ULK4: variants seen among roughly 807,000 people sequenced by gnomAD.
ULK4 encodes the protein unc-51 like kinase 4.
ULK4 carries 133 observed loss-of-function variants against 160.6 expected under a neutral mutation model. The observed-to-expected ratio is 0.83, with a 90% CI of 0.72 to 0.96. ULK4 has a LOEUF of 0.96. Among genes scored for constraint, ULK4 ranks in the 40% least tolerant of loss-of-function variants. The pLI, the probability that ULK4 is intolerant of heterozygous loss-of-function variation, is 0.00. For synonymous variants in ULK4, 534 were observed against 539.8 expected (o/e 0.99, Z 0.15); for missense variants, 1,580 against 1,499.5 (o/e 1.05, Z -0.89).
chr3:41,649,351 C>A (rs566933121), intron 30 of ULK4, among the ~76,000 whole-genome samples: 2 of 152,242 alleles, frequency 1.3e-5, no homozygotes, highest in Admixed American at 6.5e-5. Context: ...GAGCCCCACC[C>A]CCTACTGAGT....
intron 5 of ULK4, among the ~76,000 whole-genome samples, chr3:41,921,840 G>A (rs903177738): frequency 6.6e-6 from 1 of 152,150 alleles, no homozygotes; most frequent in African/African-American, 2.4e-5. Flanking sequence ...AGACAAAGAA[G>A]TAAGGAAGTC....
intron 35 of ULK4, chr3:41,258,583 T>C (rs1310953321): frequency 6.6e-6 from 1 of 152,236 alleles, no homozygotes; most frequent in Non-Finnish European, 1.5e-5. Flanking sequence ...TAATGTACTA[T>C]AGCAGAGGTT....
At position 41,398,106 on chromosome 3, in the gene ULK4, C is replaced by A; in HGVS notation, c.3651G>T (p.Lys1217Asn). The A allele has an allele frequency of 6.2e-7, 1 of 1,613,134 alleles. No homozygotes were observed. Among genetic ancestry groups the A allele is most frequent in the Non-Finnish European group, 8.5e-7 (1 of 1,179,484 alleles). ...TTCTTCTGAGAATCCTTAACAGAAG[C>A]TTCTGCTCCTTTGGGTCCTCCTTGG... ...LTSKEDPKEQ[K>N]LLLRILRRMI... Residue 1217 changes from lysine to asparagine, a missense_variant, in exon 35 of 37, where the codon AAG becomes AAT. Coordinates refer to ENST00000301831, the MANE Select transcript of ULK4 (RefSeq NM_017886.4).
At chr3:41,603,352 GGAGA>G (rs1034871904) in intron 31 of ULK4, among the ~76,000 whole-genome samples, 6 of 151,790 alleles carry the variant, frequency 4.0e-5, no homozygotes, top group Admixed American at 3.9e-4. Flanking sequence ...GTACAAACTG[GGAGA>G]GAGACAAGAC....
chr3:41,573,098 C>T (rs942815935), intron 31 of ULK4, among the ~76,000 whole-genome samples: 2 of 152,158 alleles, frequency 1.3e-5, no homozygotes, highest in African/African-American at 2.4e-5. Flanking sequence ...ATTTAATAAA[C>T]ACTTGATGGC....
intron 2 of ULK4, among the ~76,000 whole-genome samples, chr3:41,951,824 G>A (rs1353804050): frequency 6.6e-6 from 1 of 152,080 alleles, no homozygotes; most frequent in Non-Finnish European, 1.5e-5. Context: ...GCCATAAGGG[G>A]GCCTGTTTTC....
At chr3:41,476,342 G>T (rs2084143761) in intron 32 of ULK4, among the ~76,000 whole-genome samples, 1 of 152,096 alleles carries the variant, frequency 6.6e-6, no homozygotes, top group African/African-American at 2.4e-5. Flanking sequence ...GTATGGAGGG[G>T]AGAAAAATTA....
intron 34 of ULK4, among the ~76,000 whole-genome samples, chr3:41,441,360 T>C (rs549461137): frequency 1.3e-3 from 193 of 152,170 alleles, no homozygotes; most frequent in Non-Finnish European, 2.2e-3. Flanking sequence ...TTCACTTTCA[T>C]TCAGTTCAAG....
chr3:41,842,156 A>G (rs2041944913), intron 17 of ULK4, among the ~76,000 whole-genome samples: 1 of 150,066 alleles, frequency 6.7e-6, no homozygotes, highest in South Asian at 2.1e-4. Flanking sequence ...AAAAAAAAGA[A>G]AATAACGCTG....
intron 34 of ULK4, among the ~76,000 whole-genome samples, chr3:41,430,842 C>T (rs569271250): frequency 6.6e-6 from 1 of 151,780 alleles, no homozygotes; most frequent in Non-Finnish European, 1.5e-5. Context: ...TAAATATCCA[C>T]ATTATTTTCC....
At chr3:41,471,754 C>A (rs2083997601) in intron 32 of ULK4, among the ~76,000 whole-genome samples, 1 of 151,470 alleles carries the variant, frequency 6.6e-6, no homozygotes, top group African/African-American at 2.4e-5. Flanking sequence ...TCCTGAACAA[C>A]CAATGAGTTA....
chr3:41,589,268 T>C (rs1437735473), intron 31 of ULK4, among the ~76,000 whole-genome samples: 1 of 151,752 alleles, frequency 6.6e-6, no homozygotes, highest in Non-Finnish European at 1.5e-5. Context: ...TCCAGCAATC[T>C]AGATTAGTTA....
intron 18 of ULK4, among the ~76,000 whole-genome samples, chr3:41,833,274 GTTT>G (rs544697085): frequency 1.5e-5 from 2 of 135,108 alleles, no homozygotes; most frequent in Admixed American, 7.4e-5. Context: ...TTCTTAAGTT[GTTT>G]TTTTTTTTGT....
chr3:41,267,430 T>G (rs2079061286), intron 35 of ULK4, among the ~76,000 whole-genome samples: 1 of 152,206 alleles, frequency 6.6e-6, no homozygotes. Flanking sequence ...GCATTTGGGT[T>G]GGTTCCATGA....
rs1454302332 is a variant in ULK4, at chr3:41,721,358, ATATATTT to A, written c.2322-3504_2322-3498del. 8.2e-3 allele frequency among the ~76,000 whole-genome samples: 501 copies of A among 61,092 alleles called. 5 individuals are homozygous for A. Among genetic ancestry groups the A allele is most frequent in the African/African-American group, 0.021 (222 of 10,368 alleles). 40.1% of individuals were successfully genotyped at this position (61,092 alleles called of 152,430 possible). On this transcript the variant is annotated intron_variant, in intron 22 of 36. Coordinates refer to ENST00000301831, the MANE Select transcript of ULK4 (RefSeq NM_017886.4). Reference sequence around the variant, plus strand: ...AATATATATATATATATATATATATATATATTTTTTTTTTTTTTTTTTTGAAACGGAA... The same window carrying A: ...AATATATATATATATATATATATATATTTTTTTTTTTTTTTTGAAACGGAA...
At chr3:41,431,547 C>CCCTTTTTTTTTTTTTT (rs563543377) in intron 34 of ULK4, among the ~76,000 whole-genome samples, 4 of 95,854 alleles carry the variant, frequency 4.2e-5, no homozygotes, top group Non-Finnish European at 8.1e-5. Flanking sequence ...AATTCCCTCC[C>CCCTTTTTTTTTTTTTT]TTTTTTTTTT....
intron 17 of ULK4, among the ~76,000 whole-genome samples, chr3:41,870,695 G>A (rs1193589939): frequency 2.6e-5 from 4 of 152,200 alleles, no homozygotes; most frequent in Admixed American, 1.3e-4. Context: ...ACTTTACCAC[G>A]TGTAGATTCA....
intron 32 of ULK4, among the ~76,000 whole-genome samples, chr3:41,556,335 T>C (rs1409610389): frequency 6.6e-6 from 1 of 152,124 alleles, no homozygotes; most frequent in East Asian, 1.9e-4. Context: ...CAGGAAAATA[T>C]AATTTACAAC....
chr3:41,460,449 C>T (rs1047316537), intron 33 of ULK4, among the ~76,000 whole-genome samples: 5 of 152,192 alleles, frequency 3.3e-5, no homozygotes, highest in African/African-American at 1.2e-4. Flanking sequence ...AAGATGACGA[C>T]TTGCTTCATT....
Sources: gnomAD v4.1 joint callset for allele counts (sites outside exome capture counted in the v4.1 genomes callset) on GRCh38, gnomAD v4.1.1 for gene constraint, MANE v1.5 for transcripts, NCBI Gene and HGNC (gene_info 2026-07-23, HGNC 2026-07-21) for gene names.